KHDRBS3: variants seen among roughly 807,000 people sequenced by gnomAD.
The protein encoded by KHDRBS3 is KH domain-containing, RNA-binding, signal transduction-associated protein 3.
Under a neutral mutation model 45.6 loss-of-function variants are expected in KHDRBS3, and 23 were observed. The observed-to-expected ratio is 0.50, with a 90% confidence interval of 0.36 to 0.72. The LOEUF is 0.72. Among genes scored for constraint, KHDRBS3 ranks in the 30% least tolerant of loss-of-function variants. The pLI is 0.00. For missense variants in KHDRBS3, 352 were observed against 424.8 expected (o/e 0.83, Z 1.51); for synonymous variants, 162 against 156.5 (o/e 1.04, Z -0.26).
intron 1 of KHDRBS3, among the ~76,000 whole-genome samples, chr8:135,500,147 C>G (rs1823660174): frequency 6.6e-6 from 1 of 152,060 alleles, no homozygotes; most frequent in Non-Finnish European, 1.5e-5. Flanking sequence ...GACTTAGCCC[C>G]CAAAACATGG....
intron 1 of KHDRBS3, among the ~76,000 whole-genome samples, chr8:135,509,974 CTT>C (rs1237666093): frequency 4.6e-4 from 57 of 122,872 alleles, no homozygotes; most frequent in Admixed American, 6.0e-4. Context: ...TTCCCCCCCC[CTT>C]TTTTTTTTTT....
At chr8:135,529,423 C>G (rs559112061) in intron 2 of KHDRBS3, among the ~76,000 whole-genome samples, 91 of 152,244 alleles carry the variant, frequency 6.0e-4, no homozygotes, top group African/African-American at 2.0e-3. Flanking sequence ...AACGTTTGCT[C>G]TCCTTACAGT....
intron 1 of KHDRBS3, among the ~76,000 whole-genome samples, chr8:135,505,961 G>A (rs191326099): frequency 5.9e-5 from 9 of 152,256 alleles, no homozygotes; most frequent in Admixed American, 5.9e-4. Flanking sequence ...ACCTCATAGG[G>A]AGCCACTGGC....
At chr8:135,544,285 G>A (rs890716483) in intron 3 of KHDRBS3, among the ~76,000 whole-genome samples, 1 of 152,118 alleles carries the variant, frequency 6.6e-6, no homozygotes, top group Non-Finnish European at 1.5e-5. Context: ...GCATACAGTG[G>A]TAGTTATCAG....
chr8:135,536,858 G>T (rs1166602204), intron 2 of KHDRBS3, among the ~76,000 whole-genome samples: 1 of 149,782 alleles, frequency 6.7e-6, no homozygotes, highest in Non-Finnish European at 1.5e-5. Flanking sequence ...TACTCGGGAG[G>T]CTGAGGCAGG....
intron 1 of KHDRBS3, among the ~76,000 whole-genome samples, chr8:135,468,115 A>G (rs1821792704): frequency 6.6e-6 from 1 of 152,122 alleles, no homozygotes; most frequent in African/African-American, 2.4e-5. Flanking sequence ...GTGGGTTATA[A>G]TCCTTTACTA....
chr8:135,470,575 C>CTTTTTTT (rs397962210), intron 1 of KHDRBS3, among the ~76,000 whole-genome samples: 2 of 141,884 alleles, frequency 1.4e-5, no homozygotes, highest in African/African-American at 2.6e-5. Flanking sequence ...GGTTTTGCTG[C>CTTTTTTT]TTTTTTTTTT....
At chr8:135,488,500 T>A (rs1256262051) in intron 1 of KHDRBS3, among the ~76,000 whole-genome samples, 5 of 152,118 alleles carry the variant, frequency 3.3e-5, no homozygotes, top group South Asian at 2.1e-4. Context: ...TAAAAAAAAA[T>A]TTATGCTCTT....
At chr8:135,485,092 C>T (rs1286366607) in intron 1 of KHDRBS3, among the ~76,000 whole-genome samples, 1 of 152,040 alleles carries the variant, frequency 6.6e-6, no homozygotes, top group Non-Finnish European at 1.5e-5. Flanking sequence ...AATTATCCTT[C>T]TTACTCAGTT....
intron 4 of KHDRBS3, 162 bp downstream of exon 4, chr8:135,549,062 G>C: frequency 2.4e-6 from 1 of 425,520 alleles, no homozygotes; most frequent in Non-Finnish European, 4.1e-6. Flanking sequence ...TAAATTACTG[G>C]GCATTATTCC....
chr8:135,619,092 C>T (rs185698440), intron 7 of KHDRBS3, among the ~76,000 whole-genome samples: 13 of 152,220 alleles, frequency 8.5e-5, no homozygotes, highest in East Asian at 5.8e-4. Context: ...CTTTTTTGTT[C>T]GTTGTTTCTT....
chr8:135,588,026 A>C (rs1393976472), intron 6 of KHDRBS3, among the ~76,000 whole-genome samples: 1 of 152,160 alleles, frequency 6.6e-6, no homozygotes, highest in Non-Finnish European at 1.5e-5. Flanking sequence ...CTCTGCAGAC[A>C]TCGACTGTGT....
intron 1 of KHDRBS3, among the ~76,000 whole-genome samples, chr8:135,482,320 T>G (rs1212872234): frequency 6.6e-6 from 1 of 152,194 alleles, no homozygotes; most frequent in East Asian, 1.9e-4. Flanking sequence ...TGGATTTGCA[T>G]TTGATAAAAC....
intron 2 of KHDRBS3, among the ~76,000 whole-genome samples, chr8:135,534,849 TGGA>T (rs1305411939): frequency 5.3e-5 from 8 of 152,142 alleles, no homozygotes; most frequent in African/African-American, 1.9e-4. Flanking sequence ...TTTCTCATCT[TGGA>T]AATCAGACAC....
chr8:135,557,250 A>G (rs1489867283), intron 4 of KHDRBS3, among the ~76,000 whole-genome samples, 198 bp from the exon 5 acceptor site: 2 of 152,216 alleles, frequency 1.3e-5, no homozygotes, highest in Admixed American at 1.3e-4. Flanking sequence ...AGCTTGAGGA[A>G]AAAATGCTGT....
At chr8:135,564,070 G>T (rs1029066504) in intron 5 of KHDRBS3, among the ~76,000 whole-genome samples, 1 of 152,166 alleles carries the variant, frequency 6.6e-6, no homozygotes, top group Non-Finnish European at 1.5e-5. Context: ...CATCGAATCA[G>T]GGAAATTTTC....
At chr8:135,561,560 C>T (rs150631415) in intron 5 of KHDRBS3, among the ~76,000 whole-genome samples, 15 of 151,302 alleles carry the variant, frequency 9.9e-5, no homozygotes, top group African/African-American at 3.6e-4. Flanking sequence ...TTTCCCATTC[C>T]CTTACTGTAG....
intron 2 of KHDRBS3, among the ~76,000 whole-genome samples, chr8:135,529,649 A>G (rs1274422638): frequency 1.3e-5 from 2 of 152,198 alleles, no homozygotes; most frequent in East Asian, 3.8e-4. Flanking sequence ...GAGCCAATGA[A>G]TAATTAAAAA....
chr8:135,591,201 G>T (rs150518773), intron 6 of KHDRBS3, among the ~76,000 whole-genome samples: 22 of 152,300 alleles, frequency 1.4e-4, no homozygotes, highest in African/African-American at 4.8e-4. Context: ...TGGCTCTAGA[G>T]CCCATGCTCC....
Sources: gnomAD v4.1 joint callset for allele counts (sites outside exome capture counted in the v4.1 genomes callset) on GRCh38, gnomAD v4.1.1 for gene constraint, MANE v1.5 for transcripts, NCBI Gene and HGNC (gene_info 2026-07-23, HGNC 2026-07-21) for gene names.